The following CACNA1I variants were observed in gnomAD, a reference collection of about 807,000 sequenced individuals.
CACNA1I encodes the protein calcium voltage-gated channel subunit alpha1 I.
In CACNA1I, 74 loss-of-function variants were observed where a neutral mutation model predicts 201.6. That is an observed-to-expected ratio of 0.37 (90% CI 0.30 to 0.45). The LOEUF (loss-of-function observed/expected upper bound fraction) is 0.45, where lower values mean the gene tolerates loss of function less well. Ranked by LOEUF, CACNA1I falls within the 20% of genes least tolerant of loss-of-function variation. The pLI is 1.00. For missense variants in CACNA1I, 2,346 were observed against 3,138.1 expected (o/e 0.75, Z 6.03); for synonymous variants, 1,431 against 1,345.2 (o/e 1.06, Z -1.40).
At chr22:39,662,911 T>G (rs891092457) in intron 18 of CACNA1I, 35 bp downstream of exon 18, 1 of 1,348,380 alleles carries the variant, frequency 7.4e-7, no homozygotes, top group African/African-American at 1.5e-5. Flanking sequence ...AGGGTTAGAG[T>G]AGGGGTAACG....
intron 3 of CACNA1I, among the ~76,000 whole-genome samples, chr22:39,616,279 G>A (rs17401961): frequency 0.41 from 62,004 of 151,962 alleles, 13,631 homozygotes; most frequent in Non-Finnish European, 0.5. Flanking sequence ...GTCTGTAGCC[G>A]AGAGCACACG....
intron 3 of CACNA1I, among the ~76,000 whole-genome samples, chr22:39,606,357 G>A (rs538541823): frequency 1.3e-5 from 2 of 152,296 alleles, no homozygotes; most frequent in African/African-American, 4.8e-5. Flanking sequence ...ACTTACTGCT[G>A]TTGAGTTCAT....
intron 7 of CACNA1I, among the ~76,000 whole-genome samples, chr22:39,645,776 G>C (rs556704812): frequency 6.6e-6 from 1 of 152,214 alleles, no homozygotes; most frequent in Non-Finnish European, 1.5e-5. Context: ...CTGAAAGCCT[G>C]GAAACTGGAG....
At chr22:39,680,809 G>A in intron 33 of CACNA1I, 121 bp from the exon 34 acceptor site, 1 of 1,103,600 alleles carries the variant, frequency 9.1e-7, no homozygotes, top group East Asian at 2.7e-5. Flanking sequence ...GCAGGTGTCT[G>A]GACCTTTCTG....
At position 39,664,922 on chromosome 22, in the gene CACNA1I, C is replaced by A; in HGVS notation, c.3850C>A (p.Arg1284Ser). The change falls in exon 21 of 37, where the codon CGT (arginine) becomes AGT (serine). Residue 1284 changes from arginine to serine, a missense_variant and splice_region_variant. Physicochemically the swap from Arg to Ser is moderately radical, Grantham distance 110. This residue lies in a region of CACNA1I where 14 missense variants were observed against 53.7 expected (regional missense o/e 0.26). Transcript: ENST00000402142. ...GCTCCTGCGCACCCTACGCCCCCTG[C>A]GGTGAGGACCCCTCCTGGGCGGATG... ...LRLLRTLRPL[R>S]VISRAPGLKL... 1 of 1,611,304 alleles carries A rather than the reference C, an allele frequency of 6.2e-7. No homozygotes were observed. The highest frequency in any genetic ancestry group is 8.5e-7 in the Non-Finnish European group (1 of 1,179,700).
At chr22:39,653,870 A>ACCCTCC in intron 10 of CACNA1I, among the ~76,000 whole-genome samples, 2 of 152,224 alleles carry the variant, frequency 1.3e-5, no homozygotes, top group East Asian at 3.9e-4. Context: ...GAAGGAGGGG[A>ACCCTCC]TGGGTGAGGT....
At position 39,629,319 on chromosome 22, in the gene CACNA1I, T is replaced by C. The variant is rs1031233066; in HGVS notation, c.581-5246T>C. Among the ~76,000 whole-genome samples the C allele has an allele frequency of 6.6e-6, 1 of 152,138 alleles. No individual in the cohort carries two copies. Among genetic ancestry groups the C allele is most frequent in the Admixed American group, 6.5e-5 (1 of 15,270 alleles). On this transcript the variant is annotated intron_variant, in intron 4 of 36. Transcript: ENST00000402142. This position sits in a 1 kb window ranked among gnomAD's most constrained non-coding sequence, Gnocchi z 4.8. ...CCATCCCAAGCTCCACATCTCCAGA[T>C]GGAGCCCCACCCCCGCTGAAGGCCG... is the stretch of plus-strand genomic sequence containing the variant.
intron 1 of CACNA1I, among the ~76,000 whole-genome samples, chr22:39,590,708 C>T (rs1932810781): frequency 6.6e-6 from 1 of 152,220 alleles, no homozygotes; most frequent in Non-Finnish European, 1.5e-5. Flanking sequence ...GGGAGTGACC[C>T]TGGAACCACC....
At position 39,649,174 on chromosome 22, in the gene CACNA1I, T is replaced by C. The variant is rs1011742470; in HGVS notation, c.1568-327T>C. ...CTGGGGCTCTGGGTCTGTTCCATGC[T>C]GACCCAGGGCCTAGGCCAGGAGGGA... is the stretch of plus-strand genomic sequence containing the variant. On this transcript the variant is annotated intron_variant, in intron 9 of 36. Coordinates refer to ENST00000402142, the MANE Select transcript of CACNA1I (RefSeq NM_021096.4). This position sits in a 1 kb window ranked among gnomAD's most constrained non-coding sequence, Gnocchi z 7.3. 3.3e-5 allele frequency among the ~76,000 whole-genome samples: 5 copies of C among 152,230 alleles called. No individual in the cohort carries two copies. Among genetic ancestry groups the C allele is most frequent in the Non-Finnish European group, 1.5e-5 (1 of 68,022 alleles).
intron 1 of CACNA1I, among the ~76,000 whole-genome samples, chr22:39,584,882 G>T (rs1011368198): frequency 6.6e-6 from 1 of 152,214 alleles, no homozygotes; most frequent in Non-Finnish European, 1.5e-5. Flanking sequence ...AGAGCTCTGA[G>T]AATATCATCA....
At chr22:39,639,267 C>T (rs541620309) in intron 5 of CACNA1I, among the ~76,000 whole-genome samples, 1 of 152,194 alleles carries the variant, frequency 6.6e-6, no homozygotes, top group South Asian at 2.1e-4. Context: ...AAAAGTTTGC[C>T]TACCTCTGCT....
chr22:39,683,347 C>T (rs1249003798), intron 35 of CACNA1I, among the ~76,000 whole-genome samples: 2 of 152,144 alleles, frequency 1.3e-5, no homozygotes, highest in Admixed American at 1.3e-4. Flanking sequence ...GAGCCCACCC[C>T]AAGTACCCTT....
At chr22:39,653,916 A>G (rs1422659863) in intron 10 of CACNA1I, among the ~76,000 whole-genome samples, 1 of 152,182 alleles carries the variant, frequency 6.6e-6, no homozygotes, top group African/African-American at 2.4e-5. Context: ...TGTGTGACTC[A>G]CGAAGTGGTG....
At chr22:39,616,706 G>T (rs1271370157) in intron 3 of CACNA1I, among the ~76,000 whole-genome samples, 1 of 151,436 alleles carries the variant, frequency 6.6e-6, no homozygotes, top group East Asian at 1.9e-4. Context: ...GTAGGTTGTG[G>T]TGAGCTAAGA....
chr22:39,573,546 G>A (rs936560470), intron 1 of CACNA1I, among the ~76,000 whole-genome samples: 2 of 152,142 alleles, frequency 1.3e-5, no homozygotes, highest in Admixed American at 6.5e-5. Context: ...ACCTAAAAAG[G>A]AGACGGCAGA....
Position 39,672,375 on chromosome 22 carries a change from C to T in CACNA1I, c.4649+67C>T, listed in dbSNP as rs1251764385. ...GCAGGATGAAGAAGCAGTCCTGACC[C>T]TTAGGGAAGTCTGGAGCAGCCTGAA... On this transcript the variant is annotated intron_variant, in intron 27 of 36. Coordinates refer to ENST00000402142, the MANE Select transcript of CACNA1I (RefSeq NM_021096.4). The T allele has an allele frequency of 5.4e-6, 6 of 1,104,220 alleles. No individual in the cohort carries two copies. The Admixed American group carries it at 1.0e-4, about 19-fold the overall frequency. The allele number at this position is 1,104,220 out of a possible 1,614,324, so 68.4% of individuals were successfully genotyped here.
Position 39,685,810 on chromosome 22 carries a change from G to A in CACNA1I, c.6077G>A (p.Gly2026Asp), listed in dbSNP as rs1399918564. Residue 2026 changes from glycine (G) to aspartate (D), a missense_variant, in exon 37 of 37, where the codon GGC (glycine) becomes GAC (aspartate). Physicochemically the swap from Gly to Asp is moderately conservative, Grantham distance 94. Transcript: ENST00000402142. The surrounding 1 kb of genome is among the most constrained non-coding windows in gnomAD (Gnocchi z 5.0). ...SLDASPSSSA[G>D]SLQTTLEDSL... ...GACGCCAGCCCCAGCAGCTCCGCGG[G>A]CAGCCTGCAGACCACGCTCGAGGAC... 11 of 1,496,474 alleles carry A rather than the reference G, an allele frequency of 7.4e-6. No individual in the cohort carries two copies. The highest frequency in any genetic ancestry group is 1.2e-5 in the South Asian group (1 of 80,836). 92.7% of individuals were successfully genotyped at this position (1,496,474 alleles called of 1,614,324 possible). A position where few individuals can be genotyped will look rare whatever the true frequency, so the allele number is the denominator to read the frequency against.
In CACNA1I at chr22:39,684,464, G is replaced by T. The variant is rs762336883; in HGVS notation, c.5993G>T (p.Arg1998Leu). The T allele has an allele frequency of 6.2e-7, 1 of 1,613,162 alleles. No individual in the cohort carries two copies. The highest frequency in any genetic ancestry group is 1.3e-5 in the African/African-American group (1 of 74,906). ...IALQGSWASL[R>L]SPRVNCTLLR... ...CTGCAGGGCTCCTGGGCATCTCTGC[G>T]GTCACCAAGGGTCAACTGTACCCTC... Residue 1998 changes from arginine (R) to leucine (L), a missense_variant, in exon 36 of 37, where the codon CGG becomes CTG. Around this residue, in one of 13 missense-constraint regions of CACNA1I, gnomAD observed 441 missense variants for 555.6 expected, o/e 0.79. Transcript: ENST00000402142. The surrounding 1 kb of genome is among the most constrained non-coding windows in gnomAD (Gnocchi z 4.6).
chr22:39,592,667 G>T (rs1932836132), intron 1 of CACNA1I, among the ~76,000 whole-genome samples: 1 of 152,224 alleles, frequency 6.6e-6, no homozygotes. Context: ...TAGCACTCCA[G>T]CCCTGCCCCC....
Sources: gnomAD v4.1 joint callset for allele counts (sites outside exome capture counted in the v4.1 genomes callset) on GRCh38, gnomAD v4.1.1 for gene constraint, gnomAD v4.1.1 regional missense constraint, Gnocchi (gnomAD v3.1) non-coding constraint, MANE v1.5 for transcripts, NCBI Gene and HGNC (gene_info 2026-07-23, HGNC 2026-07-21) for gene names.